Variants in RANBP17 observed in about 807,000 individuals in gnomAD.
RANBP17 encodes the protein ran-binding protein 17.
A neutral mutation model predicts 141.2 loss-of-function variants in RANBP17; 158 were observed. That is an observed-to-expected ratio of 1.12 (90% CI 0.98 to 1.28). RANBP17 has a LOEUF of 1.28. Ranked by LOEUF, RANBP17 falls within the 50% of genes most tolerant of loss-of-function variation. RANBP17 has a pLI of 0.00. For missense variants in RANBP17, 1,438 were observed against 1,290.7 expected (o/e 1.11, Z -1.75); for synonymous variants, 430 against 450.0 (o/e 0.96, Z 0.56).
At chr5:171,284,864 A>G (rs952567527) in intron 25 of RANBP17, among the ~76,000 whole-genome samples, 2 of 152,148 alleles carry the variant, frequency 1.3e-5, no homozygotes, top group African/African-American at 4.8e-5. Flanking sequence ...GAACCTAATC[A>G]GTATTGTTCT....
chr5:170,957,072 A>AACACACACACACACACACACACACAC (rs58034888), intron 13 of RANBP17, among the ~76,000 whole-genome samples: 1 of 142,902 alleles, frequency 7.0e-6, no homozygotes, highest in Non-Finnish European at 1.5e-5. Flanking sequence ...TCTGTCTCAA[A>AACACACACACACACACACACACACAC]ACACACACAC....
At chr5:171,217,828 T>G (rs539690754) in intron 21 of RANBP17, among the ~76,000 whole-genome samples, 2 of 152,162 alleles carry the variant, frequency 1.3e-5, no homozygotes, top group Non-Finnish European at 2.9e-5. Context: ...ATTTTGTTAA[T>G]TTTTTCAAAA....
chr5:170,973,292 A>T (rs960852657), intron 14 of RANBP17, among the ~76,000 whole-genome samples: 5 of 152,212 alleles, frequency 3.3e-5, no homozygotes, highest in Admixed American at 1.3e-4. Context: ...GGTTATCTGT[A>T]TGTGAAAATT....
intron 14 of RANBP17, among the ~76,000 whole-genome samples, chr5:171,142,774 A>G (rs1757791029): frequency 6.6e-6 from 1 of 152,214 alleles, no homozygotes; most frequent in African/African-American, 2.4e-5. Context: ...CATTATAACA[A>G]CTACATAAAG....
chr5:171,027,824 A>T (rs1023431828), intron 14 of RANBP17, among the ~76,000 whole-genome samples: 1 of 152,084 alleles, frequency 6.6e-6, no homozygotes, highest in African/African-American at 2.4e-5. Flanking sequence ...GGAATTGAGG[A>T]AGTGATTTCA....
chr5:171,084,050 C>T (rs556256874), intron 14 of RANBP17, among the ~76,000 whole-genome samples: 343 of 148,664 alleles, frequency 2.3e-3, no homozygotes, highest in African/African-American at 7.4e-3. Flanking sequence ...CATGCTGGTG[C>T]GCTGCACCCA....
intron 14 of RANBP17, among the ~76,000 whole-genome samples, chr5:171,078,565 A>G (rs976398459): frequency 1.7e-4 from 26 of 152,230 alleles, no homozygotes; most frequent in African/African-American, 5.5e-4. Context: ...GAAAGCTTCA[A>G]AAGACAGGCT....
At chr5:171,081,369 G>T (rs1033233158) in intron 14 of RANBP17, among the ~76,000 whole-genome samples, 2 of 152,258 alleles carry the variant, frequency 1.3e-5, no homozygotes, top group African/African-American at 4.8e-5. Context: ...ATACTCTGCA[G>T]ATTTGATTTA....
chr5:170,993,005 G>A (rs930202466), intron 14 of RANBP17, among the ~76,000 whole-genome samples: 2 of 152,026 alleles, frequency 1.3e-5, no homozygotes, highest in African/African-American at 4.8e-5. Flanking sequence ...CAGATGCTCT[G>A]CCTTGTTTCT....
chr5:170,955,468 A>ATATATC lies in RANBP17; in HGVS notation c.1574+1771_1574+1772insCTATAT, dbSNP rs1554141202. ...AAGAGCTCAGTATATATATATATCT[A>ATATATC]TATATATATATATATATGCTCAGTG... On this transcript the variant is annotated intron_variant, in intron 13 of 27. Transcript: ENST00000523189. Among the ~76,000 whole-genome samples, 48 of 21,524 alleles carry ATATATC rather than the reference A, an allele frequency of 2.2e-3. 1 individual carries two copies. In the South Asian group the frequency reaches 0.27, roughly 121 times the overall value. 14.1% of individuals were successfully genotyped at this position (21,524 alleles called of 152,430 possible). A position where few individuals can be genotyped will look rare whatever the true frequency, so the allele number is the denominator to read the frequency against.
chr5:171,012,050 T>A lies in RANBP17; in HGVS notation c.1710+43673T>A, dbSNP rs148748287. On this transcript the variant is annotated intron_variant, in intron 14 of 27. Coordinates refer to ENST00000523189, the MANE Select transcript of RANBP17 (RefSeq NM_022897.5). ...AAATAATATATTTGTTTAAACAAAT[T>A]ATATTATTTGTTTAAACGAATATAT... 1.3e-3 allele frequency among the ~76,000 whole-genome samples: 182 copies of A among 139,766 alleles called. 2 individuals are homozygous for A. Among genetic ancestry groups the A allele is most frequent in the South Asian group, 1.9e-3 (7 of 3,726 alleles). 91.7% of individuals were successfully genotyped at this position (139,766 alleles called of 152,430 possible). A position where few individuals can be genotyped will look rare whatever the true frequency, so the allele number is the denominator to read the frequency against.
chr5:171,248,548 A>G (rs1373459700), intron 24 of RANBP17, among the ~76,000 whole-genome samples: 2 of 152,162 alleles, frequency 1.3e-5, no homozygotes, highest in African/African-American at 4.8e-5. Flanking sequence ...AATCTAAACC[A>G]CATGAAAGCT....
Position 170,878,174 on chromosome 5 carries a change from A to G in RANBP17, c.96A>G (p.Lys32=). The G allele has an allele frequency of 6.2e-7, 1 of 1,613,218 alleles. No individual in the cohort carries two copies. Among genetic ancestry groups the G allele is most frequent in the Non-Finnish European group, 8.5e-7 (1 of 1,179,514 alleles). Residue 32 remains lysine (K), a synonymous_variant, in exon 2 of 28, where the codon AAA becomes AAG. Coordinates refer to ENST00000523189, the MANE Select transcript of RANBP17 (RefSeq NM_022897.5). ...TTACACAAAGAATAGAGGCTGAGAA[A>G]GCACTCTTGGAACTTATTGACAGTC... The part of the protein sequence containing the change: ...TDLTQRIEAE[K]ALLELIDSPE...
intron 1 of RANBP17, chr5:170,863,754 A>G (rs1056141470): frequency 1.3e-5 from 2 of 152,236 alleles, no homozygotes; most frequent in Non-Finnish European, 2.9e-5. Flanking sequence ...CAAGCCCTGG[A>G]AGACTTCTTC....
chr5:170,879,994 T>C (rs1446544401), intron 2 of RANBP17, among the ~76,000 whole-genome samples: 4 of 152,206 alleles, frequency 2.6e-5, no homozygotes, highest in African/African-American at 9.6e-5. Flanking sequence ...AACCATAGAC[T>C]TTAAACATCT....
intron 13 of RANBP17, among the ~76,000 whole-genome samples, chr5:170,955,646 G>GTATATATATA (rs1554141292): frequency 6.9e-5 from 1 of 14,588 alleles, no homozygotes; most frequent in Non-Finnish European, 1.2e-4. Flanking sequence ...TATATGCTCA[G>GTATATATATA]TGTATATATA....
At chr5:171,121,530 C>G (rs1231226270) in intron 14 of RANBP17, among the ~76,000 whole-genome samples, 1 of 152,206 alleles carries the variant, frequency 6.6e-6, no homozygotes, top group East Asian at 1.9e-4. Context: ...TCTGCTGGCC[C>G]AGTAGCATGT....
At chr5:171,057,323 A>T (rs1783459532) in intron 14 of RANBP17, among the ~76,000 whole-genome samples, 1 of 152,148 alleles carries the variant, frequency 6.6e-6, no homozygotes, top group South Asian at 2.1e-4. Context: ...ATAGTGACAA[A>T]CCATTTTATA....
In RANBP17 at chr5:171,158,430, C is replaced by G. The variant is rs181785146; in HGVS notation, c.1711-11700C>G. 5.0e-4 allele frequency: 96 copies of G among 192,192 alleles called. 1 individual carries two copies. Among genetic ancestry groups the G allele is most frequent in the African/African-American group, 2.1e-3 (92 of 43,146 alleles). The allele number at this position is 192,192 out of a possible 1,614,324, so 11.9% of individuals were successfully genotyped here. A position where few individuals can be genotyped will look rare whatever the true frequency, so the allele number is the denominator to read the frequency against. ...AAACAAGTTTCTCCTATGTGAATTG[C>G]ATTTTCTGGTTGACACCCATTACAA... On this transcript the variant is annotated intron_variant, in intron 14 of 27. Coordinates refer to ENST00000523189, the MANE Select transcript of RANBP17 (RefSeq NM_022897.5).
Sources: allele counts gnomAD v4.1 joint callset (sites outside exome capture counted in the v4.1 genomes callset), GRCh38; gene constraint gnomAD v4.1.1; transcripts MANE v1.5; gene names NCBI Gene and HGNC (gene_info 2026-07-23, HGNC 2026-07-21).